Variants in DLG2 observed in about 807,000 individuals in gnomAD.
DLG2 encodes the protein discs large MAGUK scaffold protein 2.
In DLG2, 45 loss-of-function variants were observed where a neutral mutation model predicts 132.5. The ratio of observed to expected loss-of-function variants is 0.34; its 90% CI spans 0.27 to 0.44. DLG2 has a LOEUF of 0.44. Among genes scored for constraint, DLG2 ranks in the 20% least tolerant of loss-of-function variants. The pLI is 1.00. For synonymous variants in DLG2, 424 were observed against 419.6 expected (o/e 1.01, Z -0.13); for missense variants, 1,045 against 1,196.9 (o/e 0.87, Z 1.87).
intron 15 of DLG2, among the ~76,000 whole-genome samples, chr11:83,894,296 T>C (rs577158413): frequency 1.3e-5 from 2 of 152,070 alleles, no homozygotes; most frequent in Admixed American, 1.3e-4. Flanking sequence ...GAGAGATACA[T>C]AAGTAAGTGA....
chr11:84,744,898 T>TA (rs758776805), intron 6 of DLG2, among the ~76,000 whole-genome samples: 3,703 of 71,706 alleles, frequency 0.052, 81 homozygotes, highest in South Asian at 0.084. Context: ...AGTAAAGGTC[T>TA]AAAAAAAAAA....
intron 6 of DLG2, among the ~76,000 whole-genome samples, chr11:84,601,986 T>C (rs952275854): frequency 6.6e-6 from 1 of 152,038 alleles, no homozygotes; most frequent in African/African-American, 2.4e-5. Context: ...GTAGCATAAA[T>C]TCCAGAGGTC....
intron 6 of DLG2, among the ~76,000 whole-genome samples, chr11:84,679,752 A>G (rs2155401): frequency 6.6e-6 from 1 of 152,152 alleles, no homozygotes; most frequent in Non-Finnish European, 1.5e-5. Flanking sequence ...CTTATTTTAT[A>G]GATTAAGAAA....
At chr11:84,693,252 A>G (rs2058247375) in intron 6 of DLG2, among the ~76,000 whole-genome samples, 1 of 151,752 alleles carries the variant, frequency 6.6e-6, no homozygotes, top group South Asian at 2.1e-4. Flanking sequence ...ATTAGATACA[A>G]TTTCCCTTTT....
chr11:85,466,957 C>T lies in DLG2; in HGVS notation c.40+131700G>A, dbSNP rs530570906. On this transcript the variant is annotated intron_variant, in intron 3 of 27. Coordinates refer to ENST00000376104, the MANE Select transcript of DLG2 (RefSeq NM_001142699.3). ...CTACCCATGAGCATGGAATGTTCTT[C>T]CATTTGTTTGTATCCTCTTTTATTT... Among the ~76,000 whole-genome samples the T allele has an allele frequency of 1.8e-3, 274 of 152,210 alleles. 1 individual carries two copies. The highest frequency in any genetic ancestry group is 6.4e-3 in the African/African-American group (264 of 41,544).
chr11:83,522,810 C>CG (rs1211962155), intron 21 of DLG2, among the ~76,000 whole-genome samples: 1 of 137,396 alleles, frequency 7.3e-6, no homozygotes, highest in African/African-American at 2.7e-5. Flanking sequence ...TAGAGCCCCC[C>CG]CCCCCTTTTT....
chr11:84,725,316 A>G (rs1317685540), intron 6 of DLG2, among the ~76,000 whole-genome samples: 2 of 152,178 alleles, frequency 1.3e-5, no homozygotes, highest in Non-Finnish European at 2.9e-5. Context: ...TAGTTTTTAG[A>G]TAACACATGA....
intron 3 of DLG2, among the ~76,000 whole-genome samples, chr11:85,375,229 C>A (rs1391629883): frequency 2.0e-5 from 3 of 152,030 alleles, no homozygotes; most frequent in Admixed American, 2.0e-4. Context: ...AATTGTATGA[C>A]CTTGTAGAAT....
intron 10 of DLG2, among the ~76,000 whole-genome samples, chr11:84,088,822 G>A (rs11233903): frequency 0.085 from 12,898 of 152,154 alleles, 600 homozygotes; most frequent in Non-Finnish European, 0.1. Flanking sequence ...TCTTTCTAAA[G>A]AGAGCGCTGG....
At chr11:83,779,601 G>A (rs2094724086) in intron 18 of DLG2, among the ~76,000 whole-genome samples, 1 of 152,000 alleles carries the variant, frequency 6.6e-6, no homozygotes, top group Non-Finnish European at 1.5e-5. Context: ...TAAAAATCAA[G>A]GAAATTACTA....
At chr11:84,958,700 T>C (rs750893547) in intron 6 of DLG2, among the ~76,000 whole-genome samples, 1 of 151,946 alleles carries the variant, frequency 6.6e-6, no homozygotes, top group African/African-American at 2.4e-5. Context: ...CTTTTGGGAG[T>C]TCTGCTCGCT....
intron 21 of DLG2, among the ~76,000 whole-genome samples, chr11:83,507,157 G>C (rs1225763213): frequency 6.6e-6 from 1 of 152,032 alleles, no homozygotes; most frequent in East Asian, 1.9e-4. Flanking sequence ...TGGTGAATCA[G>C]GAATGTCAAA....
intron 7 of DLG2, among the ~76,000 whole-genome samples, chr11:84,305,214 T>C (rs972035389): frequency 6.6e-6 from 1 of 152,190 alleles, no homozygotes; most frequent in African/African-American, 2.4e-5. Context: ...AATGAAAATA[T>C]GGCAGTCTGT....
chr11:85,482,775 T>C (rs541934535), intron 3 of DLG2, among the ~76,000 whole-genome samples: 7 of 152,258 alleles, frequency 4.6e-5, no homozygotes, highest in Admixed American at 4.6e-4. Context: ...CTGGTCCCAG[T>C]GGCCCAGACT....
intron 8 of DLG2, among the ~76,000 whole-genome samples, chr11:84,179,911 G>A (rs944190012): frequency 2.0e-5 from 3 of 151,950 alleles, no homozygotes; most frequent in African/African-American, 7.3e-5. Flanking sequence ...CTAATCACAG[G>A]AATAAAGCAT....
intron 4 of DLG2, among the ~76,000 whole-genome samples, chr11:85,205,734 A>T (rs2081841736): frequency 6.6e-6 from 1 of 152,212 alleles, no homozygotes. Context: ...TGAGCAGCCC[A>T]ATTAGGAAAG....
At chr11:84,494,154 A>G (rs2099173617) in intron 7 of DLG2, among the ~76,000 whole-genome samples, 1 of 152,152 alleles carries the variant, frequency 6.6e-6, no homozygotes, top group East Asian at 1.9e-4. Flanking sequence ...TTCTCCCTTC[A>G]ATCTCTTTGC....
intron 6 of DLG2, among the ~76,000 whole-genome samples, chr11:84,682,293 T>C (rs746935378): frequency 2.6e-5 from 4 of 152,208 alleles, no homozygotes; most frequent in Non-Finnish European, 4.4e-5. Flanking sequence ...GTGACCCTCT[T>C]TGAAAGCTGT....
intron 3 of DLG2, among the ~76,000 whole-genome samples, chr11:85,511,395 A>G (rs969117350): frequency 5.3e-5 from 8 of 152,002 alleles, no homozygotes; most frequent in Admixed American, 4.6e-4. Flanking sequence ...AAAAAAAGAA[A>G]TATGTCTTAA....
Sources: gnomAD v4.1 joint callset for allele counts (sites outside exome capture counted in the v4.1 genomes callset) on GRCh38, gnomAD v4.1.1 for gene constraint, MANE v1.5 for transcripts, NCBI Gene and HGNC (gene_info 2026-07-23, HGNC 2026-07-21) for gene names.